UNC80: variants seen among roughly 807,000 people sequenced by gnomAD.
UNC80 encodes the protein protein unc-80 homolog.
In UNC80, 164 loss-of-function variants were observed where a neutral mutation model predicts 384.6. The observed-to-expected ratio is 0.43, with a 90% CI of 0.38 to 0.49. The LOEUF (loss-of-function observed/expected upper bound fraction) is 0.49, where lower values mean the gene tolerates loss of function less well. Among genes scored for constraint, UNC80 ranks in the 20% least tolerant of loss-of-function variants. UNC80 has a pLI of 0.00. For missense variants in UNC80, 3,330 were observed against 4,143.0 expected (o/e 0.80, Z 5.39); for synonymous variants, 1,486 against 1,527.8 (o/e 0.97, Z 0.64).
At chr2:209,796,245 T>G (rs779671605) in intron 7 of UNC80, 3 of 152,184 alleles carry the variant, frequency 2.0e-5, no homozygotes, top group Non-Finnish European at 4.4e-5. Flanking sequence ...TGTAGCCCCT[T>G]TGTTTTGGCC....
intron 35 of UNC80, among the ~76,000 whole-genome samples, chr2:209,922,752 GT>G (rs1259442678): frequency 6.6e-6 from 1 of 152,154 alleles, no homozygotes; most frequent in East Asian, 1.9e-4. Flanking sequence ...ACTCATCAGT[GT>G]TTTTAAAACC....
At chr2:209,956,832 C>T (rs1185612050) in intron 48 of UNC80, among the ~76,000 whole-genome samples, 1 of 152,092 alleles carries the variant, frequency 6.6e-6, no homozygotes, top group African/African-American at 2.4e-5. Context: ...GGCAAAGATA[C>T]TGGGAGCCAT....
intron 7 of UNC80, among the ~76,000 whole-genome samples, chr2:209,798,974 G>A (rs190460415): frequency 9.3e-5 from 14 of 150,230 alleles, no homozygotes; most frequent in East Asian, 7.8e-4. Flanking sequence ...GCGATCCACC[G>A]TGCCCAGCCT....
In UNC80 at chr2:209,904,615, G is replaced by A. The variant is rs1055912017; in HGVS notation, c.4582-150G>A. 3 of 682,572 alleles carry A rather than the reference G, an allele frequency of 4.4e-6. No homozygotes were observed. The African/African-American group carries it at 5.3e-5, about 12-fold the overall frequency. The allele number at this position is 682,572 out of a possible 1,614,324, so 42.3% of individuals were successfully genotyped here. ...AGGCCATGTGGATAAAGAACCCTTTGTCCTCCTTTGGGAATTATTGGACCA... is the reference window on the plus strand; with the variant it reads ...AGGCCATGTGGATAAAGAACCCTTTATCCTCCTTTGGGAATTATTGGACCA... On this transcript the variant is annotated intron_variant, in intron 28 of 64. Transcript: ENST00000673920.
intron 25 of UNC80, among the ~76,000 whole-genome samples, chr2:209,884,669 T>C (rs1157612310): frequency 6.6e-6 from 1 of 152,118 alleles, no homozygotes; most frequent in Non-Finnish European, 1.5e-5. Context: ...AATAATAGAC[T>C]GGATAAAGAA....
intron 52 of UNC80, chr2:209,968,920 A>T (rs998373224): frequency 3.9e-5 from 6 of 152,234 alleles, no homozygotes; most frequent in Admixed American, 1.3e-4. Context: ...ATCTCAGTTC[A>T]ACACAAGAAA....
chr2:209,987,866 C>T (rs1238778402), intron 61 of UNC80, among the ~76,000 whole-genome samples: 1 of 150,616 alleles, frequency 6.6e-6, no homozygotes, highest in East Asian at 1.9e-4. Context: ...TCTCAAAATA[C>T]CAAAAAATAA....
At chr2:209,812,273 G>C (rs2153827184) in intron 7 of UNC80, among the ~76,000 whole-genome samples, 1 of 151,500 alleles carries the variant, frequency 6.6e-6, no homozygotes, top group Non-Finnish European at 1.5e-5. Flanking sequence ...TGTTAGCCAG[G>C]ATGGTGTCGA....
intron 5 of UNC80, among the ~76,000 whole-genome samples, chr2:209,786,620 G>T (rs975552): frequency 0.14 from 20,579 of 152,018 alleles, 2,002 homozygotes; most frequent in African/African-American, 0.26. Context: ...GTGTTGTATT[G>T]TTATCAAAGC....
chr2:209,966,419 A>G (rs764512376), intron 51 of UNC80, among the ~76,000 whole-genome samples: 1 of 152,148 alleles, frequency 6.6e-6, no homozygotes, highest in Non-Finnish European at 1.5e-5. Context: ...TTCTGCATCT[A>G]CTCGGTATAT....
intron 21 of UNC80, among the ~76,000 whole-genome samples, chr2:209,849,009 A>G (rs1439986757): frequency 6.6e-6 from 1 of 152,130 alleles, no homozygotes; most frequent in Non-Finnish European, 1.5e-5. Flanking sequence ...ACCAATTTGT[A>G]CAGCATGCTG....
At chr2:209,914,731 A>G (rs937107192) in intron 31 of UNC80, among the ~76,000 whole-genome samples, 2 of 151,220 alleles carry the variant, frequency 1.3e-5, no homozygotes, top group Admixed American at 1.3e-4. Context: ...TGTGTATTGA[A>G]TGTTTTGTTT....
Position 209,967,419 on chromosome 2 carries a change from C to CATAT in UNC80, c.7806-9_7806-6dup, listed in dbSNP as rs752949976. 315 of 1,478,870 alleles carry CATAT rather than the reference C, an allele frequency of 2.1e-4. No homozygotes were observed. The African/African-American group carries it at 3.1e-3, about 15-fold the overall frequency. 91.6% of individuals were successfully genotyped at this position (1,478,870 alleles called of 1,614,324 possible). On this transcript the variant is annotated splice_polypyrimidine_tract_variant and intron_variant, in intron 51 of 64. Transcript: ENST00000673920. ...AAGCTTATACTTTAAAATATATATA[C>CATAT]ATATATATATATTTTAGGTTGGCAG...
chr2:209,819,829 T>A, intron 12 of UNC80, among the ~76,000 whole-genome samples: 1 of 152,186 alleles, frequency 6.6e-6, no homozygotes, highest in Admixed American at 6.5e-5. Flanking sequence ...GAACATAATT[T>A]AAACATGCAA....
Position 209,773,209 on chromosome 2 carries a change from A to AT in UNC80, c.141+71dup, listed in dbSNP as rs1274556053. 3 of 1,372,686 alleles carry AT rather than the reference A, an allele frequency of 2.2e-6. No individual in the cohort carries two copies. The Admixed American group carries it at 5.4e-5, about 25-fold the overall frequency. The allele number at this position is 1,372,686 out of a possible 1,614,324, so 85.0% of individuals were successfully genotyped here. A position where few individuals can be genotyped will look rare whatever the true frequency, so the allele number is the denominator to read the frequency against. On this transcript the variant is annotated intron_variant, in intron 2 of 64. Transcript: ENST00000673920. ...TGTGGTGGTTTGAACCCAAAGACAG[A>AT]TTTTAAATCAAACGGACTATATATA...
chr2:209,785,411 C>T (rs754182452), intron 4 of UNC80, among the ~76,000 whole-genome samples: 19 of 152,170 alleles, frequency 1.2e-4, no homozygotes, highest in Admixed American at 5.9e-4. Flanking sequence ...CAGCCCTATT[C>T]AGCAAGTATT....
intron 13 of UNC80, 46 bp downstream of exon 13, chr2:209,820,725 A>G: frequency 1.4e-6 from 2 of 1,466,370 alleles, no homozygotes; most frequent in Non-Finnish European, 1.8e-6. Flanking sequence ...GTCATACCTA[A>G]TTTCTTTCTA....
chr2:209,925,647 A>T (rs575339796), intron 35 of UNC80, among the ~76,000 whole-genome samples: 1 of 152,096 alleles, frequency 6.6e-6, no homozygotes, highest in African/African-American at 2.4e-5. Flanking sequence ...TGCGTTTACA[A>T]TCCTTTAGCT....
intron 5 of UNC80, among the ~76,000 whole-genome samples, chr2:209,788,952 C>G (rs2077626808): frequency 1.3e-5 from 2 of 152,088 alleles, no homozygotes; most frequent in African/African-American, 4.8e-5. Context: ...ATCTTTTATA[C>G]TGTATTTTTA....
Sources: gnomAD v4.1 joint callset for allele counts (sites outside exome capture counted in the v4.1 genomes callset) on GRCh38, gnomAD v4.1.1 for gene constraint, MANE v1.5 for transcripts, NCBI Gene and HGNC (gene_info 2026-07-23, HGNC 2026-07-21) for gene names.